Variants in PALM2AKAP2 observed in about 807,000 individuals in gnomAD.
The protein encoded by PALM2AKAP2 is PALM2 and AKAP2 fusion.
Under a neutral mutation model 71.5 loss-of-function variants are expected in PALM2AKAP2, and 37 were observed. The ratio of observed to expected loss-of-function variants is 0.52; its 90% CI spans 0.40 to 0.68. The LOEUF (loss-of-function observed/expected upper bound fraction) is 0.68, where lower values mean the gene tolerates loss of function less well. PALM2AKAP2 is among the 30% of genes least tolerant of loss of function. The pLI, the probability that PALM2AKAP2 is intolerant of heterozygous loss-of-function variation, is 0.00. For synonymous variants in PALM2AKAP2, 468 were observed against 478.8 expected, an observed-to-expected ratio of 0.98 and a Z score of 0.29; for missense variants, 1,224 against 1,191.8, an observed-to-expected ratio of 1.03 and a Z score of -0.40.
chr9:109,902,425 A>G (rs1373368447), intron 3 of PALM2AKAP2, among the ~76,000 whole-genome samples: 1 of 152,234 alleles, frequency 6.6e-6, no homozygotes, highest in Admixed American at 6.5e-5. Context: ...TCAGAACAGC[A>G]GCATTCTTTC....
rs1220414734 is a variant in PALM2AKAP2, at chr9:110,168,814, C to T, written c.*317C>T. On this transcript the variant is annotated 3_prime_UTR_variant, in exon 4 of 4. Coordinates refer to ENST00000374525, the Ensembl canonical transcript of PALM2AKAP2. ...AGCAAATCAACATAGTTGCTGCAGG[C>T]GGAACTGAGACCAGCCTCTCTGGGC... is the stretch of plus-strand genomic sequence containing the variant. 2.0e-5 allele frequency: 5 copies of T among 253,588 alleles called. No homozygotes were observed. In the Admixed American group the frequency reaches 2.7e-4, roughly 13 times the overall value. The allele number at this position is 253,588 out of a possible 1,614,324, so 15.7% of individuals were successfully genotyped here. A position where few individuals can be genotyped will look rare whatever the true frequency, so the allele number is the denominator to read the frequency against.
At chr9:110,107,734 T>C (rs1256865520) in intron 1 of PALM2AKAP2, among the ~76,000 whole-genome samples, 2 of 152,032 alleles carry the variant, frequency 1.3e-5, no homozygotes, top group South Asian at 2.1e-4. Context: ...GCCCAGCTAA[T>C]TTTTGTATTT....
At chr9:109,785,433 C>T (rs1256880579) in intron 1 of PALM2AKAP2, among the ~76,000 whole-genome samples, 1 of 152,166 alleles carries the variant, frequency 6.6e-6, no homozygotes, top group Non-Finnish European at 1.5e-5. Flanking sequence ...TGTAGTAAAT[C>T]CCAGCCTCTC....
intron 3 of PALM2AKAP2, among the ~76,000 whole-genome samples, chr9:109,893,180 C>T (rs969778591): frequency 6.6e-6 from 1 of 152,144 alleles, no homozygotes; most frequent in Non-Finnish European, 1.5e-5. Context: ...GGCCAAGAAG[C>T]GTCCCATCTC....
Position 109,870,622 on chromosome 9 carries a change from G to C in PALM2AKAP2, c.126+3051G>C, listed in dbSNP as rs116070879. Among the ~76,000 whole-genome samples, 801 of 152,336 alleles carry C rather than the reference G, an allele frequency of 5.3e-3. 8 individuals carry two copies. The highest frequency in any genetic ancestry group is 0.019 in the African/African-American group (770 of 41,570). On this transcript the variant is annotated intron_variant, in intron 2 of 9. Coordinates refer to the PALM2AKAP2 transcript ENST00000302798. Reference sequence around the variant, plus strand: ...GTCAAGTGATTTGCCCAAGACCATAGAGACTATAAATGAGGGAGCCTGAGA... The same window carrying C: ...GTCAAGTGATTTGCCCAAGACCATACAGACTATAAATGAGGGAGCCTGAGA...
At chr9:109,862,887 C>T (rs1180951537) in intron 1 of PALM2AKAP2, 1 of 513,254 alleles carries the variant, frequency 1.9e-6, no homozygotes, top group Non-Finnish European at 3.9e-6. Context: ...AGGACATGAA[C>T]CAGCCGGGAA....
intron 3 of PALM2AKAP2, among the ~76,000 whole-genome samples, chr9:109,922,712 C>A (rs1202413622): frequency 6.6e-6 from 1 of 152,096 alleles, no homozygotes; most frequent in South Asian, 2.1e-4. Context: ...CCTACTCTGC[C>A]AATATATGTA....
At chr9:109,872,823 T>A (rs540091388) in intron 2 of PALM2AKAP2, among the ~76,000 whole-genome samples, 1 of 152,316 alleles carries the variant, frequency 6.6e-6, no homozygotes, top group East Asian at 1.9e-4. Flanking sequence ...GTTACTGGGA[T>A]GTGTGAAAGA....
At chr9:109,825,934 A>G (rs558888457) in intron 1 of PALM2AKAP2, among the ~76,000 whole-genome samples, 122 of 152,322 alleles carry the variant, frequency 8.0e-4, no homozygotes, top group Middle Eastern at 3.4e-3. Context: ...TTGTGACACT[A>G]TTCACAATAG....
chr9:109,702,643 A>G (rs1478316962), intron 1 of PALM2AKAP2, among the ~76,000 whole-genome samples: 2 of 152,038 alleles, frequency 1.3e-5, no homozygotes, highest in Non-Finnish European at 2.9e-5. Flanking sequence ...ACCTAATGTT[A>G]AATGAGGAGT....
intron 3 of PALM2AKAP2, among the ~76,000 whole-genome samples, chr9:109,917,671 A>G (rs1830725736): frequency 6.6e-6 from 1 of 151,856 alleles, no homozygotes; most frequent in African/African-American, 2.4e-5. Context: ...TATTATTTGT[A>G]GAGGTGGGGG....
intron 3 of PALM2AKAP2, among the ~76,000 whole-genome samples, chr9:109,887,402 C>A (rs1220745561): frequency 6.6e-6 from 1 of 152,192 alleles, no homozygotes; most frequent in Non-Finnish European, 1.5e-5. Context: ...GGGTCCCCAC[C>A]CCACGTTCAG....
intron 1 of PALM2AKAP2, among the ~76,000 whole-genome samples, chr9:110,056,242 C>T (rs1833837713): frequency 6.6e-6 from 1 of 152,240 alleles, no homozygotes; most frequent in South Asian, 2.1e-4. Context: ...CAGCCCGCCT[C>T]CCAGTGCAGC....
chr9:109,927,477 G>A (rs1720311735), intron 5 of PALM2AKAP2, among the ~76,000 whole-genome samples: 1 of 152,162 alleles, frequency 6.6e-6, no homozygotes, highest in Admixed American at 6.5e-5. Flanking sequence ...GTCCAGTTAG[G>A]ATTATGTAAC....
At chr9:109,966,411 C>T (rs77237965) in intron 6 of PALM2AKAP2, among the ~76,000 whole-genome samples, 4 of 152,192 alleles carry the variant, frequency 2.6e-5, no homozygotes, top group African/African-American at 9.7e-5. Flanking sequence ...AGGTACCCTG[C>T]ATTTAGTACT....
intron 6 of PALM2AKAP2, among the ~76,000 whole-genome samples, chr9:109,985,838 T>C (rs1056308714): frequency 4.6e-5 from 7 of 151,982 alleles, no homozygotes; most frequent in Non-Finnish European, 8.8e-5. Context: ...TTAGTGAAGA[T>C]GGGGTTTCAC....
chr9:109,799,790 G>A (rs1015192757), intron 1 of PALM2AKAP2, among the ~76,000 whole-genome samples: 2 of 152,056 alleles, frequency 1.3e-5, no homozygotes. Context: ...CCACCGCGTC[G>A]GCCACCATTA....
At chr9:110,029,815 C>G (rs1428256857) in intron 7 of PALM2AKAP2, among the ~76,000 whole-genome samples, 1 of 152,160 alleles carries the variant, frequency 6.6e-6, no homozygotes, top group East Asian at 1.9e-4. Context: ...GTTTGTCTCT[C>G]CAGTTAATGT....
At chr9:110,023,991 T>C (rs1481615462) in intron 7 of PALM2AKAP2, among the ~76,000 whole-genome samples, 1 of 152,184 alleles carries the variant, frequency 6.6e-6, no homozygotes, top group African/African-American at 2.4e-5. Context: ...ATAATTTTCA[T>C]TGCATAATAT....
Sources: allele counts gnomAD v4.1 joint callset (sites outside exome capture counted in the v4.1 genomes callset), GRCh38; gene constraint gnomAD v4.1.1; transcripts MANE v1.5; gene names NCBI Gene and HGNC (gene_info 2026-07-23, HGNC 2026-07-21).